The following ABCB11 variants were observed in gnomAD, a reference collection of about 807,000 sequenced individuals.
The protein encoded by ABCB11 is ATP binding cassette subfamily B member 11.
In ABCB11, 95 loss-of-function variants were observed where a neutral mutation model predicts 148.0. The ratio of observed to expected loss-of-function variants is 0.64; its 90% CI spans 0.54 to 0.76. The LOEUF (loss-of-function observed/expected upper bound fraction) is 0.76. ABCB11 is among the 30% of genes least tolerant of loss of function. The pLI is 0.00. For missense variants in ABCB11, 1,523 were observed against 1,617.8 expected (o/e 0.94, Z 1.01); for synonymous variants, 591 against 555.4 (o/e 1.06, Z -0.90).
In ABCB11 at chr2:169,013,389, A is replaced by G. The variant is rs1695251327; in HGVS notation, c.272T>C (p.Ile91Thr). The change falls in exon 5 of 28, where the codon ATT becomes ACT. Residue 91 changes from isoleucine (I) to threonine (T), a missense_variant. Ile to Thr is a moderately conservative substitution (Grantham distance 89). Coordinates refer to ENST00000650372, the MANE Select transcript of ABCB11 (RefSeq NM_003742.4). Reference protein sequence around the residue: ...LIFGTMTDVFIDYDVELQELQ... With the variant: ...LIFGTMTDVFTDYDVELQELQ... The stretch of plus-strand genomic sequence containing the variant: ...TTCTTGTAACTCAACGTCGTAGTCA[A>G]TAAAAACATCTGTCATTGTGCCAAA... The G allele has an allele frequency of 1.9e-6, 3 of 1,613,764 alleles. No individual in the cohort carries two copies. Among genetic ancestry groups the G allele is most frequent in the Non-Finnish European group, 2.5e-6 (3 of 1,179,816 alleles).
chr2:168,995,319 CA>C lies in ABCB11; in HGVS notation c.611+29del, dbSNP rs754943300. ...AGGGTTTTATTATCCAAAAATCACA[CA>C]CTAAAATACTGTTTTACCAGCTACT... On this transcript the variant is annotated intron_variant, in intron 7 of 27. Coordinates refer to ENST00000650372, the MANE Select transcript of ABCB11 (RefSeq NM_003742.4). 5 of 1,586,804 alleles carry C rather than the reference CA, an allele frequency of 3.2e-6. No individual in the cohort carries two copies. In the African/African-American group the frequency reaches 5.4e-5, roughly 17 times the overall value.
At chr2:168,937,947 G>A (rs929184131) in intron 21 of ABCB11, among the ~76,000 whole-genome samples, 4 of 152,080 alleles carry the variant, frequency 2.6e-5, no homozygotes, top group Admixed American at 6.5e-5. Flanking sequence ...AGGCAGGTAC[G>A]ACCAAAGCTT....
intron 5 of ABCB11, among the ~76,000 whole-genome samples, chr2:169,005,750 T>G (rs1404917185): frequency 6.6e-6 from 1 of 152,164 alleles, no homozygotes; most frequent in African/African-American, 2.4e-5. Context: ...GTAAATATGT[T>G]AATTAGCTCA....
chr2:168,945,047 C>G (rs1692240650), intron 19 of ABCB11, 86 bp from the exon 20 acceptor site: 3 of 953,332 alleles, frequency 3.1e-6, no homozygotes, highest in Non-Finnish European at 4.6e-6. Flanking sequence ...TTTTTCTTAC[C>G]ATGTCATTAT....
intron 14 of ABCB11, among the ~76,000 whole-genome samples, chr2:168,971,625 C>A (rs563990166): frequency 2.0e-5 from 3 of 151,926 alleles, no homozygotes; most frequent in Non-Finnish European, 4.4e-5. Context: ...ACAAAGTGAG[C>A]TTTTCAAAAG....
chr2:168,974,617 T>C (rs1165343088), intron 12 of ABCB11, among the ~76,000 whole-genome samples: 1 of 152,016 alleles, frequency 6.6e-6, no homozygotes, highest in East Asian at 1.9e-4. Flanking sequence ...AAATGTGCTT[T>C]TTTATCATTA....
chr2:168,990,971 AG>A, intron 8 of ABCB11, 46 bp from the exon 9 acceptor site: 1 of 1,597,466 alleles, frequency 6.3e-7, no homozygotes, highest in East Asian at 2.2e-5. Context: ...CCAAGAAATT[AG>A]GTAAGTCAGT....
intron 10 of ABCB11, 109 bp from the exon 11 acceptor site, chr2:168,980,088 T>G: frequency 1.6e-6 from 1 of 618,030 alleles, no homozygotes; most frequent in Non-Finnish European, 2.9e-6. Flanking sequence ...GAAATTCTCT[T>G]CTGTGGGTTC....
At chr2:169,021,378 T>C (rs894446712) in intron 1 of ABCB11, among the ~76,000 whole-genome samples, 4 of 152,168 alleles carry the variant, frequency 2.6e-5, no homozygotes, top group Admixed American at 2.0e-4. Flanking sequence ...AGCTGTTATG[T>C]TAATGTCAGA....
At position 168,944,885 on chromosome 2, in the gene ABCB11, C is replaced by A; in HGVS notation, c.2420G>T (p.Cys807Phe). Residue 807 changes from cysteine to phenylalanine, a missense_variant, in exon 20 of 28, where the codon TGT (cysteine) becomes TTT (phenylalanine). Cys to Phe is a radical substitution (Grantham distance 205, BLOSUM62 -2). Transcript: ENST00000650372. ...TAGAAATTGGGTGAAAAGAGATACA[C>A]AGCCCATTGCTACAAAAAGTAGGCA... is the stretch of plus-strand genomic sequence containing the variant. ...GVCLLFVAMG[C>F]VSLFTQFLQG... 1 of 1,582,286 alleles carries A rather than the reference C, an allele frequency of 6.3e-7. No homozygotes were observed.
chr2:169,016,633 T>C (rs1162041538), intron 3 of ABCB11, 145 bp downstream of exon 3: 1 of 716,216 alleles, frequency 1.4e-6, no homozygotes, highest in Non-Finnish European at 2.3e-6. Context: ...TATAGTAATA[T>C]TTTAAAGAGA....
rs188824058 is a variant in ABCB11 at position 168,972,025 on chromosome 2, C to T, written c.1460G>A (p.Arg487His). Residue 487 changes from arginine to histidine, a missense_variant, in exon 14 of 28, where the codon CGC (arginine) becomes CAC (histidine). Transcript: ENST00000650372. ...GMVTVDGHDI[R>H]SLNIQWLRDQ... ...TCTAAGCCACTGAATGTTAAGAGAG[C>T]GAATGTCATGGCCATCCACGGTCAC... 115 of 1,612,670 alleles carry T rather than the reference C, an allele frequency of 7.1e-5. No homozygotes were observed. The highest frequency in any genetic ancestry group is 1.7e-4 in the Middle Eastern group (1 of 6,054).
chr2:169,002,329 G>T (rs1363353180), intron 5 of ABCB11, among the ~76,000 whole-genome samples: 1 of 152,148 alleles, frequency 6.6e-6, no homozygotes, highest in East Asian at 1.9e-4. Context: ...GGAAAAAAGG[G>T]AACACTTGTA....
Position 168,924,772 on chromosome 2 carries a change from G to C in ABCB11, c.3650C>G (p.Ser1217Cys). The stretch of plus-strand genomic sequence containing the variant: ...TTGTTTCTCCCCTCTAGAGAGTTGA[G>C]ACCCCTGGGACCCAACGTTAGTTTC... ...KYETNVGSQG[S>C]QLSRGEKQRI... Residue 1217 changes from serine to cysteine, a missense_variant, in exon 27 of 28, where the codon TCT (serine) becomes TGT (cysteine). By Grantham distance (112) the Ser-to-Cys change is moderately radical. Transcript: ENST00000650372. 1 of 1,608,246 alleles carries C rather than the reference G, an allele frequency of 6.2e-7. No individual in the cohort carries two copies. The highest frequency in any genetic ancestry group is 8.5e-7 in the Non-Finnish European group (1 of 1,178,452).
chr2:168,946,659 T>C (rs77068018), intron 19 of ABCB11, among the ~76,000 whole-genome samples: 1,967 of 151,902 alleles, frequency 0.013, 38 homozygotes, highest in African/African-American at 0.045. Context: ...CATTCCTCCT[T>C]AAGGTCACCT....
chr2:168,944,579 C>T (rs758118928), intron 21 of ABCB11, 26 bp downstream of exon 21: 1 of 1,564,990 alleles, frequency 6.4e-7, no homozygotes, highest in East Asian at 2.3e-5. Context: ...AGTTAATATA[C>T]TTCTATTTCC....
intron 5 of ABCB11, 71 bp downstream of exon 5, chr2:169,013,201 C>T (rs1318859229): frequency 1.7e-6 from 2 of 1,199,936 alleles, no homozygotes; most frequent in Admixed American, 2.0e-5. Context: ...GTAAAATCCC[C>T]TCTATACATT....
At chr2:168,953,941 C>T (rs1467980121) in intron 19 of ABCB11, among the ~76,000 whole-genome samples, 1 of 151,582 alleles carries the variant, frequency 6.6e-6, no homozygotes, top group Non-Finnish European at 1.5e-5. Flanking sequence ...CAGACCAAAC[C>T]AATGTTCACC....
chr2:168,949,900 T>C (rs1465181251), intron 19 of ABCB11, among the ~76,000 whole-genome samples: 3 of 151,290 alleles, frequency 2.0e-5, no homozygotes, highest in East Asian at 2.0e-4. Flanking sequence ...AAGAAAAAAA[T>C]GTAAACGAGC....
Sources: allele counts gnomAD v4.1 joint callset (sites outside exome capture counted in the v4.1 genomes callset), GRCh38; gene constraint gnomAD v4.1.1; transcripts MANE v1.5; gene names NCBI Gene and HGNC (gene_info 2026-07-23, HGNC 2026-07-21).